CCSER1: variants seen among roughly 807,000 people sequenced by gnomAD.
The protein encoded by CCSER1 is serine-rich coiled-coil domain-containing protein 1.
Under a neutral mutation model 82.0 loss-of-function variants are expected in CCSER1, and 41 were observed. The observed-to-expected ratio is 0.50, with a 90% CI of 0.39 to 0.65. The LOEUF (loss-of-function observed/expected upper bound fraction) is 0.65, where lower values mean the gene tolerates loss of function less well. Among genes scored for constraint, CCSER1 ranks in the 30% least tolerant of loss-of-function variants. The pLI is 0.00. For missense variants in CCSER1, 1,119 were observed against 1,064.2 expected (o/e 1.05, Z -0.72); for synonymous variants, 414 against 383.9 (o/e 1.08, Z -0.92).
chr4:90,459,772 T>C (rs1169337475), intron 4 of CCSER1, among the ~76,000 whole-genome samples: 1 of 152,218 alleles, frequency 6.6e-6, no homozygotes, highest in Non-Finnish European at 1.5e-5. Flanking sequence ...TGTTTTACTT[T>C]ACAATTAGTA....
intron 5 of CCSER1, among the ~76,000 whole-genome samples, chr4:90,610,591 G>A (rs1785334909): frequency 1.3e-5 from 2 of 152,050 alleles, no homozygotes. Context: ...AAAAATTTTA[G>A]GCTAGTCTAC....
intron 10 of CCSER1, among the ~76,000 whole-genome samples, chr4:91,400,387 A>C (rs964746482): frequency 5.3e-5 from 8 of 151,730 alleles, no homozygotes; most frequent in South Asian, 2.1e-4. Flanking sequence ...ATTTCTTTAC[A>C]TAAGTATCTT....
intron 10 of CCSER1, among the ~76,000 whole-genome samples, chr4:91,207,000 G>C (rs1400932466): frequency 6.6e-6 from 1 of 151,802 alleles, no homozygotes; most frequent in East Asian, 1.9e-4. Context: ...GTCCAGAAAG[G>C]AAAATTAGGT....
chr4:90,265,537 T>A (rs1023942898), intron 1 of CCSER1, among the ~76,000 whole-genome samples: 4 of 151,948 alleles, frequency 2.6e-5, no homozygotes, highest in African/African-American at 9.6e-5. Flanking sequence ...TCTGTCCACA[T>A]TGCCATGTTT....
At chr4:91,124,410 CTT>C (rs1391595834) in intron 10 of CCSER1, among the ~76,000 whole-genome samples, 1 of 151,696 alleles carries the variant, frequency 6.6e-6, no homozygotes, top group Non-Finnish European at 1.5e-5. Context: ...TACCTAATGC[CTT>C]TACATATTAT....
chr4:91,503,416 A>G (rs1759324151), intron 10 of CCSER1, among the ~76,000 whole-genome samples: 1 of 152,004 alleles, frequency 6.6e-6, no homozygotes, highest in African/African-American at 2.4e-5. Context: ...GGGAAATTTG[A>G]GAAAATATTA....
At chr4:90,732,790 T>C (rs986088398) in intron 7 of CCSER1, among the ~76,000 whole-genome samples, 1 of 152,218 alleles carries the variant, frequency 6.6e-6, no homozygotes, top group Non-Finnish European at 1.5e-5. Context: ...GTAATTTTCT[T>C]ACTTTCCTTG....
At chr4:90,264,430 T>C (rs1724886368) in intron 1 of CCSER1, among the ~76,000 whole-genome samples, 1 of 152,182 alleles carries the variant, frequency 6.6e-6, no homozygotes, top group Non-Finnish European at 1.5e-5. Flanking sequence ...AAAAATTTCA[T>C]TGGCTATTAA....
chr4:90,637,649 G>A (rs1408719654), intron 6 of CCSER1, among the ~76,000 whole-genome samples: 3 of 152,138 alleles, frequency 2.0e-5, no homozygotes, highest in African/African-American at 4.8e-5. Context: ...AGCCGTAGAT[G>A]AGGTTTAAAC....
chr4:91,556,741 A>G (rs1320971897), intron 10 of CCSER1, among the ~76,000 whole-genome samples: 1 of 151,066 alleles, frequency 6.6e-6, no homozygotes, highest in Non-Finnish European at 1.5e-5. Context: ...TATTTTTAGC[A>G]GAGAAAAATT....
intron 6 of CCSER1, among the ~76,000 whole-genome samples, chr4:90,636,101 T>C (rs1725370611): frequency 6.6e-6 from 1 of 151,778 alleles, no homozygotes; most frequent in African/African-American, 2.4e-5. Flanking sequence ...GTGCCAGCAA[T>C]GAATCTAGGG....
intron 10 of CCSER1, among the ~76,000 whole-genome samples, chr4:91,215,168 G>C (rs1276972244): frequency 6.6e-6 from 1 of 151,998 alleles, no homozygotes; most frequent in Non-Finnish European, 1.5e-5. Context: ...GGTGAGCCTT[G>C]ATAAACATTA....
chr4:90,483,736 A>C (rs1002444281), intron 5 of CCSER1, among the ~76,000 whole-genome samples: 7 of 152,180 alleles, frequency 4.6e-5, no homozygotes. Context: ...TTCTGCTGAG[A>C]GATCAGCTGT....
chr4:91,526,994 G>A (rs1760799654), intron 10 of CCSER1, among the ~76,000 whole-genome samples: 1 of 152,030 alleles, frequency 6.6e-6, no homozygotes, highest in South Asian at 2.1e-4. Context: ...AGACTGGCCA[G>A]CCCCAACCTT....
chr4:90,770,741 T>C (rs1214406616), intron 7 of CCSER1, among the ~76,000 whole-genome samples: 4 of 152,188 alleles, frequency 2.6e-5, no homozygotes, highest in South Asian at 2.1e-4. Context: ...ATTATTTCTT[T>C]GTCTTTCATG....
rs1480954410 is a variant in CCSER1, at chr4:90,312,771, C to T, written c.1325-92C>T. The stretch of plus-strand genomic sequence containing the variant: ...CTTGTGATAGAGAAACTTTGAATAA[C>T]ACTAAGAGTTTTTCATGATCTTTCA... On this transcript the variant is annotated intron_variant, in intron 2 of 10. Coordinates refer to ENST00000509176, the MANE Select transcript of CCSER1 (RefSeq NM_001145065.2). 6.2e-6 allele frequency: 6 copies of T among 971,994 alleles called. No individual in the cohort carries two copies. In the East Asian group the frequency reaches 1.3e-4, roughly 21 times the overall value. 60.2% of individuals were successfully genotyped at this position (971,994 alleles called of 1,614,324 possible). A position where few individuals can be genotyped will look rare whatever the true frequency, so the allele number is the denominator to read the frequency against.
intron 10 of CCSER1, among the ~76,000 whole-genome samples, chr4:91,465,052 A>AT (rs1756792226): frequency 6.6e-6 from 1 of 152,102 alleles, no homozygotes; most frequent in Non-Finnish European, 1.5e-5. Flanking sequence ...CAGAATATAC[A>AT]TTTTTCTCAG....
At chr4:90,431,164 A>G (rs1466324675) in intron 4 of CCSER1, among the ~76,000 whole-genome samples, 1 of 152,070 alleles carries the variant, frequency 6.6e-6, no homozygotes. Context: ...TAATGGAGGA[A>G]TGTTAATTTA....
chr4:91,113,892 G>A (rs1180262657), intron 10 of CCSER1, among the ~76,000 whole-genome samples: 1 of 148,994 alleles, frequency 6.7e-6, no homozygotes, highest in East Asian at 2.0e-4. Flanking sequence ...TCGCTCTGTC[G>A]CTCAGGCTGG....
Sources: gnomAD v4.1 joint callset for allele counts (sites outside exome capture counted in the v4.1 genomes callset) on GRCh38, gnomAD v4.1.1 for gene constraint, MANE v1.5 for transcripts, NCBI Gene and HGNC (gene_info 2026-07-23, HGNC 2026-07-21) for gene names.